Variants in TOM1L1 observed in about 807,000 individuals in gnomAD.
The protein encoded by TOM1L1 is TOM1-like protein 1.
TOM1L1 carries 64 observed loss-of-function variants against 63.4 expected under a neutral mutation model. That is an observed-to-expected ratio of 1.01 (90% CI 0.83 to 1.24). The LOEUF (loss-of-function observed/expected upper bound fraction) is 1.24, where lower values mean the gene tolerates loss of function less well. Among genes scored for constraint, TOM1L1 ranks in the 50% most tolerant of loss-of-function variants. TOM1L1 has a pLI of 0.00. For synonymous variants in TOM1L1, 166 were observed against 194.4 expected (o/e 0.85, Z 1.22); for missense variants, 536 against 567.0 (o/e 0.95, Z 0.55).
intron 7 of TOM1L1, among the ~76,000 whole-genome samples, chr17:54,924,083 A>G (rs2048727999): frequency 6.6e-6 from 1 of 151,940 alleles, no homozygotes; most frequent in Non-Finnish European, 1.5e-5. Flanking sequence ...GAGTAAAACT[A>G]GACCTCTCTA....
intron 1 of TOM1L1, 144 bp downstream of exon 1, chr17:54,901,067 C>A (rs750246474): frequency 1.6e-5 from 17 of 1,069,336 alleles, no homozygotes; most frequent in Non-Finnish European, 1.9e-5. Flanking sequence ...CCCAAGGCAC[C>A]CGCATTCCAC....
chr17:54,960,457 C>T, intron 14 of TOM1L1, 109 bp from the exon 15 acceptor site: 1 of 779,000 alleles, frequency 1.3e-6, no homozygotes, highest in Non-Finnish European at 2.3e-6. Flanking sequence ...CATATGTAGC[C>T]TGAACTCCAA....
intron 6 of TOM1L1, among the ~76,000 whole-genome samples, chr17:54,915,201 G>A (rs563542073): frequency 3.3e-5 from 5 of 152,278 alleles, no homozygotes; most frequent in South Asian, 2.1e-4. Flanking sequence ...GCTAATTTCC[G>A]TTCTGCTGTA....
intron 8 of TOM1L1, 164 bp from the exon 9 acceptor site, chr17:54,936,485 T>C (rs901155721): frequency 4.1e-5 from 24 of 587,090 alleles, no homozygotes; most frequent in Middle Eastern, 9.2e-4. Flanking sequence ...GTATGAATAC[T>C]CTGTAAGCTG....
intron 12 of TOM1L1, among the ~76,000 whole-genome samples, chr17:54,948,271 A>T (rs1488493902): frequency 6.6e-6 from 1 of 151,988 alleles, no homozygotes; most frequent in Admixed American, 6.5e-5. Flanking sequence ...AAACAAAAAC[A>T]GGGGCATTCT....
At chr17:54,918,911 C>T in intron 7 of TOM1L1, among the ~76,000 whole-genome samples, 1 of 152,144 alleles carries the variant, frequency 6.6e-6, no homozygotes, top group East Asian at 1.9e-4. Flanking sequence ...TTCTGCAGAA[C>T]ATCAGGGTAG....
chr17:54,924,417 C>T (rs902699416), intron 7 of TOM1L1, among the ~76,000 whole-genome samples: 1 of 151,796 alleles, frequency 6.6e-6, no homozygotes, highest in Non-Finnish European at 1.5e-5. Flanking sequence ...GTAGCTGGGA[C>T]TACAGGTGCC....
In TOM1L1 at chr17:54,960,624, T is replaced by C. The variant is rs752061150; in HGVS notation, c.1429T>C (p.Ter477ArgextTer5). 6.8e-6 allele frequency: 11 copies of C among 1,607,446 alleles called. No homozygotes were observed. Among genetic ancestry groups the C allele is most frequent in the Non-Finnish European group, 9.4e-6 (11 of 1,174,516 alleles). Residue 477 changes from the stop codon to arginine, a stop_lost, in exon 15 of 16, where the codon TGA becomes CGA. Coordinates refer to ENST00000575882, the MANE Select transcript of TOM1L1 (RefSeq NM_005486.3). ...QHKGAQNDGD[*>R] Reference sequence around the variant, plus strand: ...CAAAGGAGCTCAAAATGATGGTGACTGAGGTAAAGACTTCAACTTATACAA... The same window carrying C: ...CAAAGGAGCTCAAAATGATGGTGACCGAGGTAAAGACTTCAACTTATACAA...
At chr17:54,932,609 C>T (rs891709110) in intron 8 of TOM1L1, among the ~76,000 whole-genome samples, 5 of 151,978 alleles carry the variant, frequency 3.3e-5, no homozygotes, top group African/African-American at 1.2e-4. Flanking sequence ...TTAGTAGAAA[C>T]GGGGTTTCAC....
In TOM1L1 at chr17:54,913,745, C is replaced by A; in HGVS notation, c.373-3C>A. On this transcript the variant is annotated splice_polypyrimidine_tract_variant and splice_region_variant and intron_variant, in intron 4 of 15. Transcript: ENST00000575882. ...TGGAACTTTTTTCATCTCTTGAATT[C>A]AGACTTGGTCACAGGGCTTCCCAGG... 2 of 1,577,404 alleles carry A rather than the reference C, an allele frequency of 1.3e-6. No individual in the cohort carries two copies. Among genetic ancestry groups the A allele is most frequent in the Non-Finnish European group, 1.7e-6 (2 of 1,159,346 alleles).
intron 8 of TOM1L1, among the ~76,000 whole-genome samples, chr17:54,931,540 C>T (rs1387970058): frequency 6.6e-6 from 1 of 152,192 alleles, no homozygotes; most frequent in African/African-American, 2.4e-5. Flanking sequence ...TGGTGCACAC[C>T]TGTAATCCCA....
chr17:54,957,161 C>G (rs1479193880), intron 14 of TOM1L1: 1 of 152,230 alleles, frequency 6.6e-6, no homozygotes, highest in East Asian at 1.9e-4. Flanking sequence ...CCAGCCCCAC[C>G]CAACCCTCTG....
chr17:54,929,942 A>T, intron 7 of TOM1L1, 131 bp from the exon 8 acceptor site: 2 of 1,040,806 alleles, frequency 1.9e-6, no homozygotes, highest in Non-Finnish European at 2.8e-6. Context: ...GTTTATAGTT[A>T]AGTACTTTGG....
At chr17:54,941,133 G>A (rs991245383) in intron 11 of TOM1L1, among the ~76,000 whole-genome samples, 2 of 151,866 alleles carry the variant, frequency 1.3e-5, no homozygotes, top group Non-Finnish European at 2.9e-5. Flanking sequence ...TTCTTTCTCC[G>A]TTATTCAATA....
At chr17:54,913,295 T>G (rs2048524885) in intron 4 of TOM1L1, among the ~76,000 whole-genome samples, 1 of 152,208 alleles carries the variant, frequency 6.6e-6, no homozygotes, top group Admixed American at 6.5e-5. Flanking sequence ...ATTTTGCCCA[T>G]GGCATTCAAA....
At chr17:54,906,648 C>A in intron 3 of TOM1L1, 1 of 506,068 alleles carries the variant, frequency 2.0e-6, no homozygotes, top group African/African-American at 2.1e-5. Context: ...TGCTGCCTGG[C>A]GTGATTTGGA....
intron 7 of TOM1L1, among the ~76,000 whole-genome samples, chr17:54,919,068 G>A (rs2332312): frequency 0.24 from 36,989 of 151,988 alleles, 5,323 homozygotes; most frequent in African/African-American, 0.38. Context: ...CTTAGTTTAT[G>A]TATAAAATGA....
chr17:54,906,843 T>C lies in TOM1L1; in HGVS notation c.222+1276T>C, dbSNP rs145738785. ...GCAAGCCCTGCCTGCTGCCTGAGAGTGAGCTGTGTAGCTTTCTGATTTATT... is the reference window on the plus strand; with the variant it reads ...GCAAGCCCTGCCTGCTGCCTGAGAGCGAGCTGTGTAGCTTTCTGATTTATT... On this transcript the variant is annotated intron_variant, in intron 3 of 15. Transcript: ENST00000575882. 1.2e-3 allele frequency: 1,136 copies of C among 981,606 alleles called. 9 individuals are homozygous for C. The African/African-American group carries it at 0.019, about 16-fold the overall frequency. The allele number at this position is 981,606 out of a possible 1,614,324, so 60.8% of individuals were successfully genotyped here. A position where few individuals can be genotyped will look rare whatever the true frequency, so the allele number is the denominator to read the frequency against.
chr17:54,949,265 G>A (rs2049172371), intron 12 of TOM1L1, among the ~76,000 whole-genome samples: 1 of 136,160 alleles, frequency 7.3e-6, no homozygotes, highest in Non-Finnish European at 1.5e-5. Context: ...TTGAACTCCT[G>A]GGCTCAAGTA....
Sources: allele counts gnomAD v4.1 joint callset (sites outside exome capture counted in the v4.1 genomes callset), GRCh38; gene constraint gnomAD v4.1.1; transcripts MANE v1.5; gene names NCBI Gene and HGNC (gene_info 2026-07-23, HGNC 2026-07-21).